VSIG2: variants seen among roughly 807,000 people sequenced by gnomAD.
The protein encoded by VSIG2 is V-set and immunoglobulin domain containing 2.
Under a neutral mutation model 29.4 loss-of-function variants are expected in VSIG2, and 30 were observed. The observed-to-expected ratio is 1.02, with a 90% CI of 0.76 to 1.38. VSIG2 has a LOEUF of 1.38. VSIG2 is among the 40% of genes most tolerant of loss of function. The pLI is 0.00. For synonymous variants in VSIG2, 178 were observed against 174.2 expected (o/e 1.02, Z -0.17); for missense variants, 421 against 400.8 (o/e 1.05, Z -0.43).
rs781557390 is a variant in VSIG2, at chr11:124,750,795, T to C, written c.346A>G (p.Thr116Ala). ...TTGACTTGGCAGAGGTAGGTTCCAGTATCTGAGGGGTGGACGTCAGTCAGT... is the reference window on the plus strand; with the variant it reads ...TTGACTTGGCAGAGGTAGGTTCCAGCATCTGAGGGGTGGACGTCAGTCAGT... ...LKLTDVHPSD[T>A]GTYLCQVNNP... is the part of the protein sequence containing the mutation. The change falls in exon 3 of 7, where the codon ACT (threonine) becomes GCT (alanine). Residue 116 changes from threonine (T) to alanine (A), a missense_variant. Coordinates refer to ENST00000326621, the MANE Select transcript of VSIG2 (RefSeq NM_014312.5). 1 of 1,614,030 alleles carries C rather than the reference T, an allele frequency of 6.2e-7. No individual in the cohort carries two copies. The highest frequency in any genetic ancestry group is 1.1e-5 in the South Asian group (1 of 91,078).
At position 124,750,839 on chromosome 11, in the gene VSIG2, A is replaced by T. The variant is rs371645773; in HGVS notation, c.302T>A (p.Val101Glu). The T allele has an allele frequency of 5.0e-5, 80 of 1,613,934 alleles. No individual in the cohort carries two copies. In the African/African-American group the frequency reaches 1.0e-3, roughly 21 times the overall value. The change falls in exon 3 of 7, where the codon GTG becomes GAG. Residue 101 changes from valine (V) to glutamate (E), a missense_variant. Coordinates refer to ENST00000326621, the MANE Select transcript of VSIG2 (RefSeq NM_014312.5). ...RVSLLQNPPTVGVATLKLTDV... is the reference protein window; with the variant it reads ...RVSLLQNPPTEGVATLKLTDV... ...AGTCAGTTTCAGTGTGGCCACCCCC[A>T]CTGTGGGGGGGTTCTGAAGCAGGCT...
chr11:124,749,512 C>A (rs901501168), intron 4 of VSIG2, among the ~76,000 whole-genome samples, 196 bp downstream of exon 4: 1 of 152,100 alleles, frequency 6.6e-6, no homozygotes, highest in Non-Finnish European at 1.5e-5. Context: ...AGAAATACCC[C>A]CAGGATCATG....
intron 2 of VSIG2, 30 bp from the exon 3 acceptor site, chr11:124,750,951 GCC>G: frequency 6.2e-7 from 1 of 1,606,152 alleles, no homozygotes; most frequent in East Asian, 2.2e-5. Context: ...ACACATATGT[GCC>G]TGTTTCTGCC....
intron 2 of VSIG2, 47 bp from the exon 3 acceptor site, chr11:124,750,968 A>T (rs1171908287): frequency 9.4e-6 from 15 of 1,595,940 alleles, no homozygotes; most frequent in African/African-American, 6.7e-5. Flanking sequence ...TCTGCCTGGC[A>T]TCAACTCTAC....
intron 6 of VSIG2, chr11:124,748,124 A>G: frequency 2.1e-6 from 1 of 468,018 alleles, no homozygotes; most frequent in East Asian, 3.5e-5. Flanking sequence ...AGAAAAGTAA[A>G]CTTTATTAAA....
rs367680009 is a variant in VSIG2, at chr11:124,748,400, T to C, written c.841A>G (p.Ser281Gly). The C allele has an allele frequency of 6.8e-6, 11 of 1,611,282 alleles. No homozygotes were observed. In the African/African-American group the frequency reaches 1.5e-4, roughly 22 times the overall value. Residue 281 changes from serine (S) to glycine (G), a missense_variant, in exon 6 of 7, where the codon AGT becomes GGT. Physicochemically the swap from Ser to Gly is moderately conservative, Grantham distance 56. Transcript: ENST00000326621. ...AGCCCTCCTGCTCACCGAAGGTCAC[T>C]ACCCCCATATGTCTCCTTGGGCTTC... ...GKKPKETYGG[S>G]DLREDAIAPG... is the part of the protein sequence containing the mutation.
At chr11:124,748,580 G>T in intron 5 of VSIG2, 46 bp from the exon 6 acceptor site, 2 of 1,607,644 alleles carry the variant, frequency 1.2e-6, no homozygotes, top group Non-Finnish European at 1.7e-6. Context: ...GCTTTCCTCG[G>T]CCCACCAGCC....
intron 3 of VSIG2, among the ~76,000 whole-genome samples, chr11:124,750,463 T>A (rs1944071356): frequency 6.6e-6 from 1 of 151,470 alleles, no homozygotes; most frequent in Non-Finnish European, 1.5e-5. Flanking sequence ...CAGATCCCCA[T>A]GTATGGGAAG....
In VSIG2 at chr11:124,751,522, T is replaced by C; in HGVS notation, c.120A>G (p.Thr40=). 1.2e-6 allele frequency: 2 copies of C among 1,612,530 alleles called. No individual in the cohort carries two copies. Among genetic ancestry groups the C allele is most frequent in the South Asian group, 2.2e-5 (2 of 91,088 alleles). ...TGCTGTAGGTGCAGGTCAGCTCGGC[T>C]GTCTTCCCCAGGGGCGTGCTCAGCG... ...TEPLSTPLGK[T]AELTCTYSTS... Residue 40 remains threonine, a synonymous_variant, in exon 2 of 7, where the codon ACA becomes ACG. Coordinates refer to ENST00000326621, the MANE Select transcript of VSIG2 (RefSeq NM_014312.5).
At position 124,749,870 on chromosome 11, in the gene VSIG2, CAAAAAAAAAAAA is replaced by C. The variant is rs757471583; in HGVS notation, c.428-16_428-5del. The C allele has an allele frequency of 1.5e-3, 1,153 of 781,260 alleles. 1 individual carries two copies. The highest frequency in any genetic ancestry group is 4.9e-3 in the Admixed American group (53 of 10,878). 48.4% of individuals were successfully genotyped at this position (781,260 alleles called of 1,614,324 possible). A position where few individuals can be genotyped will look rare whatever the true frequency, so the allele number is the denominator to read the frequency against. ...CATAAGGGATTACTGGGGGGAACTG[CAAAAAAAAAAAA>C]AAAAAAAAAAAAACAGAAAGTTCCT... On this transcript the variant is annotated splice_polypyrimidine_tract_variant and splice_region_variant and intron_variant, in intron 3 of 6. Coordinates refer to ENST00000326621, the MANE Select transcript of VSIG2 (RefSeq NM_014312.5).
chr11:124,747,809 A>C, intron 6 of VSIG2, 142 bp from the exon 7 acceptor site: 1 of 865,042 alleles, frequency 1.2e-6, no homozygotes, highest in Non-Finnish European at 1.7e-6. Flanking sequence ...TCTGGGCCTC[A>C]TCACTCCCCA....
chr11:124,751,666 G>A (rs1403663153), intron 1 of VSIG2, 86 bp from the exon 2 acceptor site: 2 of 1,381,026 alleles, frequency 1.4e-6, no homozygotes, highest in Non-Finnish European at 1.9e-6. Flanking sequence ...TATATTGGAA[G>A]CTGGGGGCTC....
At position 124,751,538 on chromosome 11, in the gene VSIG2, G is replaced by A. The variant is rs775561648; in HGVS notation, c.104C>T (p.Thr35Met). Reference protein sequence around the residue: ...EVKVPTEPLSTPLGKTAELTC... With the variant: ...EVKVPTEPLSMPLGKTAELTC... ...CAGCTCGGCTGTCTTCCCCAGGGGC[G>A]TGCTCAGCGGCTCTGTGGGTACCTT... The change falls in exon 2 of 7, where the codon ACG (threonine) becomes ATG (methionine). Residue 35 changes from threonine to methionine, a missense_variant. Coordinates refer to ENST00000326621, the MANE Select transcript of VSIG2 (RefSeq NM_014312.5). The A allele has an allele frequency of 7.4e-6, 12 of 1,610,764 alleles. No individual in the cohort carries two copies. The highest frequency in any genetic ancestry group is 4.2e-6 in the Non-Finnish European group (5 of 1,179,572).
Position 124,747,479 on chromosome 11 carries a change from C to T in VSIG2, c.*56G>A. On this transcript the variant is annotated 3_prime_UTR_variant, in exon 7 of 7. Coordinates refer to ENST00000326621, the MANE Select transcript of VSIG2 (RefSeq NM_014312.5). ...GAAAGAAGAAGGAGACAGTATGGTA[C>T]CCACAGACTTTAATTATTGATATTC... 3 of 1,569,356 alleles carry T rather than the reference C, an allele frequency of 1.9e-6. No individual in the cohort carries two copies. Among genetic ancestry groups the T allele is most frequent in the Non-Finnish European group, 2.6e-6 (3 of 1,158,594 alleles).
chr11:124,750,875 G>T lies in VSIG2; in HGVS notation c.266C>A (p.Ser89Ter). ...NGHLYPTGSK[S>*]KRVSLLQNPP... ...GTTCTGAAGCAGGCTGACCCGCTTT[G>T]ACTTAGAACCAGTTGGATACAGATG... The change falls in exon 3 of 7, where the codon TCA (serine) becomes TAA (stop). Residue 89 changes from serine (S) to a stop codon, truncating the protein, a stop_gained. Coordinates refer to ENST00000326621, the MANE Select transcript of VSIG2 (RefSeq NM_014312.5). LOFTEE classifies it high-confidence loss of function. 1 of 1,614,068 alleles carries T rather than the reference G, an allele frequency of 6.2e-7. No individual in the cohort carries two copies. The highest frequency in any genetic ancestry group is 1.1e-5 in the South Asian group (1 of 91,052).
chr11:124,751,942 C>A, intron 1 of VSIG2, 135 bp downstream of exon 1: 2 of 1,097,584 alleles, frequency 1.8e-6, no homozygotes, highest in Non-Finnish European at 1.2e-6. Flanking sequence ...CCGGCCTCAC[C>A]TCAGGCGCCT....
chr11:124,749,942 G>GT, intron 3 of VSIG2, 76 bp from the exon 4 acceptor site: 1 of 1,422,340 alleles, frequency 7.0e-7, no homozygotes, highest in Non-Finnish European at 9.2e-7. Context: ...AACTCCATTA[G>GT]GTGCTACATT....
chr11:124,751,302 C>T, intron 2 of VSIG2, 121 bp downstream of exon 2: 3 of 1,228,992 alleles, frequency 2.4e-6, no homozygotes, highest in Non-Finnish European at 2.3e-6. Flanking sequence ...CTAGGGAGAG[C>T]CCACTTACCT....
At position 124,750,788 on chromosome 11, in the gene VSIG2, G is replaced by T. The variant is rs528884222; in HGVS notation, c.353C>A (p.Thr118Asn). 12 of 1,614,112 alleles carry T rather than the reference G, an allele frequency of 7.4e-6. No individual in the cohort carries two copies. Among genetic ancestry groups the T allele is most frequent in the African/African-American group, 1.3e-5 (1 of 75,006 alleles). Residue 118 changes from threonine (T) to asparagine (N), a missense_variant, in exon 3 of 7, where the codon ACC becomes AAC. Coordinates refer to ENST00000326621, the MANE Select transcript of VSIG2 (RefSeq NM_014312.5). ...TGGGTTGTTGACTTGGCAGAGGTAG[G>T]TTCCAGTATCTGAGGGGTGGACGTC... ...LTDVHPSDTG[T>N]YLCQVNNPPD...
Sources: allele counts gnomAD v4.1 joint callset (sites outside exome capture counted in the v4.1 genomes callset), GRCh38; gene constraint gnomAD v4.1.1; transcripts MANE v1.5; gene names NCBI Gene and HGNC (gene_info 2026-07-23, HGNC 2026-07-21).